The following ANO4 variants were observed in gnomAD, a reference collection of about 807,000 sequenced individuals.
ANO4 encodes the protein anoctamin-4.
In ANO4, 69 loss-of-function variants were observed where a neutral mutation model predicts 141.9. The observed-to-expected ratio is 0.49, with a 90% CI of 0.40 to 0.59. The LOEUF is 0.59. Among genes scored for constraint, ANO4 ranks in the 20% least tolerant of loss-of-function variants. ANO4 has a pLI of 0.00. For missense variants in ANO4, 894 were observed against 1,162.2 expected, an observed-to-expected ratio of 0.77 and a Z score of 3.36; for synonymous variants, 350 against 394.3, an observed-to-expected ratio of 0.89 and a Z score of 1.33.
At chr12:100,971,441 C>T in intron 6 of ANO4, 35 bp downstream of exon 6, 2 of 1,396,606 alleles carry the variant, frequency 1.4e-6, no homozygotes, top group Admixed American at 1.7e-5. Context: ...ACTCTCTCTG[C>T]TGCTTCACTG....
chr12:100,826,298 A>ATG lies in ANO4; in HGVS notation c.-141+31271_-141+31272insTG, dbSNP rs1555225464. On this transcript the variant is annotated intron_variant, in intron 1 of 27. Transcript: ENST00000392977. ...TGTTTGAAGATGGAATTGAGAAAAA[A>ATG]AGATGGAAAATGGTCATTGCTCACA... is the stretch of plus-strand genomic sequence containing the variant. Among the ~76,000 whole-genome samples, 362 of 44,464 alleles carry ATG rather than the reference A, an allele frequency of 8.1e-3. 2 individuals carry two copies. Among genetic ancestry groups the ATG allele is most frequent in the East Asian group, 0.046 (91 of 1,958 alleles). 29.2% of individuals were successfully genotyped at this position (44,464 alleles called of 152,430 possible). A position where few individuals can be genotyped will look rare whatever the true frequency, so the allele number is the denominator to read the frequency against.
chr12:100,918,712 T>C (rs1225482564), intron 2 of ANO4, among the ~76,000 whole-genome samples: 1 of 152,186 alleles, frequency 6.6e-6, no homozygotes, highest in Non-Finnish European at 1.5e-5. Flanking sequence ...ATACAGTTAT[T>C]TACAGTATAT....
intron 7 of ANO4, among the ~76,000 whole-genome samples, chr12:100,978,756 C>A (rs1420259941): frequency 7.2e-5 from 11 of 152,204 alleles, no homozygotes; most frequent in Non-Finnish European, 1.6e-4. Flanking sequence ...GAATGAGGTT[C>A]TGACACCTAA....
chr12:101,118,806 G>A (rs747245324), intron 25 of ANO4, among the ~76,000 whole-genome samples: 15 of 151,966 alleles, frequency 9.9e-5, no homozygotes, highest in Admixed American at 6.6e-4. Flanking sequence ...CCATGTTGGT[G>A]TGCTGCACCC....
At chr12:100,820,511 G>A (rs2035992893) in intron 1 of ANO4, among the ~76,000 whole-genome samples, 1 of 152,000 alleles carries the variant, frequency 6.6e-6, no homozygotes, top group African/African-American at 2.4e-5. Context: ...CCAAATGCAT[G>A]CCTCAGAATT....
At position 100,901,699 on chromosome 12, in the gene ANO4, C is replaced by A; in HGVS notation, c.-87C>A. 8.4e-7 allele frequency: 1 copy of A among 1,186,086 alleles called. No homozygotes were observed. Among genetic ancestry groups the A allele is most frequent in the South Asian group, 1.2e-5 (1 of 82,294 alleles). 73.5% of individuals were successfully genotyped at this position (1,186,086 alleles called of 1,614,324 possible). On this transcript the variant is annotated 5_prime_UTR_variant, in exon 2 of 28. Transcript: ENST00000392977. ...AAAGCGTTTGCAAATCCATCAACGG[C>A]GAAGTGTGGCAAGCCGCCCAGCGTC...
At chr12:100,791,587 T>C (rs1398542013), upstream of ANO4, among the ~76,000 whole-genome samples, 3 of 152,242 alleles carry the variant, frequency 2.0e-5, no homozygotes, top group Non-Finnish European at 4.4e-5. Flanking sequence ...AACTTGGACT[T>C]GTGTCATTCC....
intron 8 of ANO4, among the ~76,000 whole-genome samples, chr12:100,990,929 A>G (rs898903365): frequency 6.6e-6 from 1 of 152,186 alleles, no homozygotes; most frequent in Non-Finnish European, 1.5e-5. Flanking sequence ...GAGTAAGAGC[A>G]TAGGTTTGTG....
At chr12:101,095,760 C>T (rs1006544187) in intron 18 of ANO4, among the ~76,000 whole-genome samples, 3 of 152,168 alleles carry the variant, frequency 2.0e-5, no homozygotes, top group Admixed American at 2.0e-4. Context: ...ATTGCTTGCT[C>T]ATAGAATGTA....
At chr12:100,931,507 T>C (rs1411321990) in intron 3 of ANO4, among the ~76,000 whole-genome samples, 1 of 152,178 alleles carries the variant, frequency 6.6e-6, no homozygotes, top group Non-Finnish European at 1.5e-5. Context: ...AATTCATCTT[T>C]GTCACTTACT....
chr12:100,727,971 A>G (rs1232004046), intron 1 of ANO4, among the ~76,000 whole-genome samples: 1 of 152,210 alleles, frequency 6.6e-6, no homozygotes, highest in East Asian at 1.9e-4. Flanking sequence ...TAAATTTAAT[A>G]TGTTAACCTC....
intron 14 of ANO4, among the ~76,000 whole-genome samples, chr12:101,057,933 T>C (rs930620679): frequency 1.3e-5 from 2 of 152,248 alleles, no homozygotes; most frequent in Admixed American, 6.5e-5. Context: ...ATGAAGTCTT[T>C]GCCCATGCCT....
chr12:100,792,342 G>A (rs151178915), upstream of ANO4, among the ~76,000 whole-genome samples: 131 of 152,264 alleles, frequency 8.6e-4, no homozygotes, highest in Middle Eastern at 6.8e-3. Context: ...ATTAAATCGT[G>A]CTGTTGTAGA....
intron 1 of ANO4, among the ~76,000 whole-genome samples, chr12:100,813,247 G>T (rs924108555): frequency 4.6e-5 from 7 of 152,158 alleles, no homozygotes; most frequent in African/African-American, 1.7e-4. Context: ...AAGCAGCTCA[G>T]CCAGGATTAT....
intron 1 of ANO4, among the ~76,000 whole-genome samples, chr12:100,865,405 C>T (rs2038702971): frequency 6.6e-6 from 1 of 152,168 alleles, no homozygotes; most frequent in Non-Finnish European, 1.5e-5. Context: ...TTTTTGCAAT[C>T]TATCCATCTG....
At chr12:100,890,554 C>T (rs898661852) in intron 1 of ANO4, among the ~76,000 whole-genome samples, 5 of 152,082 alleles carry the variant, frequency 3.3e-5, no homozygotes, top group African/African-American at 7.2e-5. Context: ...GATCTGATTG[C>T]GAATGGTGAG....
intron 3 of ANO4, among the ~76,000 whole-genome samples, chr12:100,745,644 G>A (rs2032069045): frequency 6.6e-6 from 1 of 152,152 alleles, no homozygotes; most frequent in Admixed American, 6.5e-5. Flanking sequence ...ACAAGAAGGA[G>A]AAGGTTGAAA....
In ANO4 at chr12:101,094,237, C is replaced by T. The variant is rs1490485704; in HGVS notation, c.1702-19C>T. 2 of 1,600,266 alleles carry T rather than the reference C, an allele frequency of 1.2e-6. No individual in the cohort carries two copies. Among genetic ancestry groups the T allele is most frequent in the South Asian group, 1.1e-5 (1 of 90,430 alleles). ...ATACGTGCAGTTCATTTATTAAATG[C>T]ATGAAATTTATTTTACAGCTCTATG... On this transcript the variant is annotated intron_variant, in intron 17 of 27. Transcript: ENST00000392977.
intron 1 of ANO4, among the ~76,000 whole-genome samples, chr12:100,838,693 G>A (rs897473775): frequency 2.0e-5 from 3 of 152,148 alleles, no homozygotes; most frequent in African/African-American, 7.2e-5. Context: ...AGATTTTATG[G>A]GGCCTTCAAA....
Sources: gnomAD v4.1 joint callset for allele counts (sites outside exome capture counted in the v4.1 genomes callset) on GRCh38, gnomAD v4.1.1 for gene constraint, MANE v1.5 for transcripts, NCBI Gene and HGNC (gene_info 2026-07-23, HGNC 2026-07-21) for gene names.